PAMR1: variants seen among roughly 807,000 people sequenced by gnomAD.
PAMR1 encodes the protein peptidase domain containing associated with muscle regeneration 1, also known as inactive serine protease PAMR1.
A neutral mutation model predicts 81.8 loss-of-function variants in PAMR1; 88 were observed. That is an observed-to-expected ratio of 1.08 (90% confidence interval 0.91 to 1.28). The LOEUF (loss-of-function observed/expected upper bound fraction) is 1.28. PAMR1 is among the 50% of genes most tolerant of loss of function. PAMR1 has a pLI of 0.00. For synonymous variants in PAMR1, 336 were observed against 345.3 expected (o/e 0.97, Z 0.30); for missense variants, 935 against 919.7 (o/e 1.02, Z -0.21).
chr11:35,438,059 G>A (rs2135338112), intron 8 of PAMR1, among the ~76,000 whole-genome samples: 1 of 152,324 alleles, frequency 6.6e-6, no homozygotes, highest in Non-Finnish European at 1.5e-5. Flanking sequence ...AACAATAGGT[G>A]AGAAATCACT....
At chr11:35,481,517 T>A (rs903079537) in intron 3 of PAMR1, among the ~76,000 whole-genome samples, 6 of 45,074 alleles carry the variant, frequency 1.3e-4, no homozygotes, top group Non-Finnish European at 5.0e-4. Flanking sequence ...GTTTTGTTTG[T>A]TTGTTTGTTT....
rs199930979 is a variant in PAMR1 at position 35,458,315 on chromosome 11, AT to A, written c.820+9685del. Reference sequence around the variant, plus strand: ...TAATCTCTATCCCATCTAATGCTCTATTTTTTTATTGTTCTTGTTCAGCTTC... The same window carrying A: ...TAATCTCTATCCCATCTAATGCTCTATTTTTTATTGTTCTTGTTCAGCTTC... On this transcript the variant is annotated intron_variant, in intron 6 of 10. Transcript: ENST00000619888. Among the ~76,000 whole-genome samples the A allele has an allele frequency of 9.0e-3, 1,375 of 152,128 alleles. 10 individuals carry two copies. Among genetic ancestry groups the A allele is most frequent in the Non-Finnish European group, 0.011 (775 of 67,980 alleles).
chr11:35,444,226 TG>T (rs1856245154), intron 6 of PAMR1, among the ~76,000 whole-genome samples: 1 of 152,190 alleles, frequency 6.6e-6, no homozygotes, highest in East Asian at 1.9e-4. Flanking sequence ...TTAATTTCCT[TG>T]TAGACTCTGG....
At chr11:35,455,449 T>C (rs78974138) in intron 6 of PAMR1, among the ~76,000 whole-genome samples, 3,132 of 152,326 alleles carry the variant, frequency 0.021, 85 homozygotes, top group Admixed American at 0.068. Context: ...GACCTCTTCT[T>C]TCATTTATTG....
At chr11:35,443,889 C>T (rs1007902853) in intron 6 of PAMR1, among the ~76,000 whole-genome samples, 5 of 152,162 alleles carry the variant, frequency 3.3e-5, no homozygotes, top group Non-Finnish European at 2.9e-5. Context: ...TTTAAATACT[C>T]GCCATTGCGA....
At chr11:35,458,913 T>G (rs1170351844) in intron 6 of PAMR1, among the ~76,000 whole-genome samples, 1 of 152,202 alleles carries the variant, frequency 6.6e-6, no homozygotes, top group Non-Finnish European at 1.5e-5. Context: ...AACCAAATAT[T>G]TTTTACTCCC....
At chr11:35,506,676 C>A (rs1850964245) in intron 1 of PAMR1, among the ~76,000 whole-genome samples, 1 of 151,710 alleles carries the variant, frequency 6.6e-6, no homozygotes, top group Non-Finnish European at 1.5e-5. Flanking sequence ...TGTTGTCAGA[C>A]AAATTGGAGC....
intron 5 of PAMR1, 77 bp from the exon 6 acceptor site, chr11:35,468,185 C>A: frequency 1.3e-6 from 1 of 756,260 alleles, no homozygotes; most frequent in East Asian, 2.8e-5. Context: ...TGACCAAAGT[C>A]TTTTAATTCC....
chr11:35,491,249 T>A (rs1850619942), intron 3 of PAMR1, among the ~76,000 whole-genome samples: 2 of 152,286 alleles, frequency 1.3e-5, no homozygotes, highest in East Asian at 3.9e-4. Context: ...GTCTTGAAAC[T>A]GATGGTATTT....
At position 35,432,882 on chromosome 11, in the gene PAMR1, A is replaced by G. The variant is rs184187499; in HGVS notation, c.1637T>C (p.Ile546Thr). The G allele has an allele frequency of 6.3e-7, 1 of 1,575,188 alleles. No individual in the cohort carries two copies. Among genetic ancestry groups the G allele is most frequent in the East Asian group, 2.2e-5 (1 of 44,494 alleles). ...GGGGTCATAGTTGGGATGCAGAATG[A>G]TAGCAGAAATCTACAAATGCAAGGA... ...KTIQSLQISAIILHPNYDPIL... is the reference protein window; with the variant it reads ...KTIQSLQISATILHPNYDPIL... Residue 546 changes from isoleucine (I) to threonine (T), a missense_variant, in exon 11 of 11, where the codon ATC becomes ACC. Ile to Thr is a moderately conservative substitution (Grantham distance 89). Coordinates refer to ENST00000619888, the MANE Select transcript of PAMR1 (RefSeq NM_001001991.3).
intron 4 of PAMR1, among the ~76,000 whole-genome samples, chr11:35,471,175 C>T (rs1850170228): frequency 6.6e-6 from 1 of 152,062 alleles, no homozygotes; most frequent in African/African-American, 2.4e-5. Context: ...ATTCTCTCCT[C>T]AAAGAGGCTT....
chr11:35,445,621 T>G (rs573581416), intron 6 of PAMR1, among the ~76,000 whole-genome samples: 4 of 152,350 alleles, frequency 2.6e-5, no homozygotes, highest in African/African-American at 9.6e-5. Flanking sequence ...TCTGTTTATG[T>G]GATGAATTAT....
intron 3 of PAMR1, among the ~76,000 whole-genome samples, chr11:35,484,701 C>T (rs1419373614): frequency 2.0e-5 from 3 of 152,206 alleles, no homozygotes; most frequent in Non-Finnish European, 4.4e-5. Context: ...ATAATCTCTC[C>T]CCATAAATCC....
chr11:35,508,885 T>C (rs1185113897), intron 1 of PAMR1, among the ~76,000 whole-genome samples: 1 of 152,210 alleles, frequency 6.6e-6, no homozygotes, highest in Non-Finnish European at 1.5e-5. Context: ...TTGATGTCAT[T>C]TTTTATGGCT....
At chr11:35,437,484 AT>A (rs765088640) in intron 8 of PAMR1, among the ~76,000 whole-genome samples, 41 of 152,362 alleles carry the variant, frequency 2.7e-4, no homozygotes, top group Non-Finnish European at 4.9e-4. Flanking sequence ...TCTTTAGCTC[AT>A]GTTTATAATG....
chr11:35,489,958 A>G (rs1240573500), intron 3 of PAMR1, among the ~76,000 whole-genome samples: 1 of 152,232 alleles, frequency 6.6e-6, no homozygotes, highest in Non-Finnish European at 1.5e-5. Context: ...ATCTGTTCCC[A>G]CACTGCTAAG....
chr11:35,472,847 A>G (rs1279675728), intron 4 of PAMR1, among the ~76,000 whole-genome samples: 1 of 152,216 alleles, frequency 6.6e-6, no homozygotes, highest in African/African-American at 2.4e-5. Flanking sequence ...AGCCTGCGAT[A>G]GATCTTGTGT....
upstream of PAMR1, among the ~76,000 whole-genome samples, chr11:35,528,554 C>T (rs1851424598): frequency 6.6e-6 from 1 of 152,196 alleles, no homozygotes; most frequent in African/African-American, 2.4e-5. Flanking sequence ...AACATGTAAG[C>T]ACCATGCACA....
chr11:35,475,029 G>C (rs1276280123), intron 3 of PAMR1, among the ~76,000 whole-genome samples: 1 of 152,182 alleles, frequency 6.6e-6, no homozygotes, highest in Non-Finnish European at 1.5e-5. Context: ...TAAATAACTT[G>C]TCTAGCCGCT....
Sources: gnomAD v4.1 joint callset for allele counts (sites outside exome capture counted in the v4.1 genomes callset) on GRCh38, gnomAD v4.1.1 for gene constraint, MANE v1.5 for transcripts, NCBI Gene and HGNC (gene_info 2026-07-23, HGNC 2026-07-21) for gene names.